The following FOXN3 variants were observed in gnomAD, a reference collection of about 807,000 sequenced individuals.
FOXN3 encodes forkhead box N3, also known as forkhead box protein N3.
In FOXN3, 7 loss-of-function variants were observed where a neutral mutation model predicts 38.4. That is an observed-to-expected ratio of 0.18 (90% confidence interval 0.10 to 0.34). The LOEUF is 0.34. FOXN3 is among the 10% of genes least tolerant of loss of function. The pLI is 1.00. For missense variants in FOXN3, 456 were observed against 613.4 expected, an observed-to-expected ratio of 0.74 and a Z score of 2.71; for synonymous variants, 230 against 242.2, an observed-to-expected ratio of 0.95 and a Z score of 0.47.
chr14:89,392,682 C>T (rs1339929176), intron 2 of FOXN3, among the ~76,000 whole-genome samples: 2 of 150,158 alleles, frequency 1.3e-5, no homozygotes, highest in African/African-American at 4.9e-5. Context: ...ATTCTGTCAC[C>T]CGGGCTGGAG....
rs1341484906 is a variant in FOXN3 at position 89,157,533 on chromosome 14, T to C, written c.*4881A>G. 6.6e-6 allele frequency: 1 copy of C among 152,662 alleles called. No individual in the cohort carries two copies. The highest frequency in any genetic ancestry group is 2.4e-5 in the African/African-American group (1 of 41,468). 9.5% of individuals were successfully genotyped at this position (152,662 alleles called of 1,614,324 possible). A position where few individuals can be genotyped will look rare whatever the true frequency, so the allele number is the denominator to read the frequency against. On this transcript the variant is annotated 3_prime_UTR_variant, in exon 6 of 6. Transcript: ENST00000557258. The stretch of plus-strand genomic sequence containing the variant: ...TCTATACAGAACACTGAATGCCATG[T>C]GTAAATCCTCATGAAACTCCAGAAA...
chr14:89,188,379 T>C (rs542499911), intron 4 of FOXN3, among the ~76,000 whole-genome samples: 1 of 152,320 alleles, frequency 6.6e-6, no homozygotes, highest in African/African-American at 2.4e-5. Context: ...TGGACGTTTA[T>C]GGAAGCTGCT....
chr14:89,324,669 TCTTAACCACAGGGA>T (rs1887996169), intron 3 of FOXN3, among the ~76,000 whole-genome samples: 1 of 151,962 alleles, frequency 6.6e-6, no homozygotes, highest in South Asian at 2.1e-4. Flanking sequence ...TTCTTTGATC[TCTTAACCACAGGGA>T]CCCACACACA....
chr14:89,505,961 A>G (rs1893916434), intron 1 of FOXN3, among the ~76,000 whole-genome samples: 1 of 145,838 alleles, frequency 6.9e-6, no homozygotes, highest in Non-Finnish European at 1.5e-5. Flanking sequence ...CTGCCTGGCA[A>G]CCGCCCCGTC....
At chr14:89,281,564 G>T (rs1037349469) in intron 3 of FOXN3, among the ~76,000 whole-genome samples, 1 of 152,026 alleles carries the variant, frequency 6.6e-6, no homozygotes, top group Non-Finnish European at 1.5e-5. Context: ...TTAAAATGTT[G>T]CACTCCATAC....
chr14:89,512,566 C>T (rs1295865821), intron 1 of FOXN3, among the ~76,000 whole-genome samples: 1 of 152,218 alleles, frequency 6.6e-6, no homozygotes, highest in African/African-American at 2.4e-5. Flanking sequence ...TCAGCATCTG[C>T]TCCCTAACTC....
chr14:89,444,896 G>A (rs1229042982), intron 1 of FOXN3, among the ~76,000 whole-genome samples: 1 of 152,126 alleles, frequency 6.6e-6, no homozygotes. Flanking sequence ...CGAGGCAGCA[G>A]TATCCGTTGA....
chr14:89,257,262 GT>G (rs749845756), intron 4 of FOXN3, among the ~76,000 whole-genome samples: 1 of 152,196 alleles, frequency 6.6e-6, no homozygotes, highest in Non-Finnish European at 1.5e-5. Flanking sequence ...CATTTTCAAG[GT>G]GTTACAATAA....
chr14:89,555,880 T>TG (rs57759148), intron 1 of FOXN3, among the ~76,000 whole-genome samples: 1 of 99,618 alleles, frequency 1.0e-5, no homozygotes, highest in African/African-American at 2.9e-5. Flanking sequence ...TGTGTGTATG[T>TG]GGGGGTGTAT....
intron 3 of FOXN3, among the ~76,000 whole-genome samples, chr14:89,315,897 G>A (rs1226262637): frequency 6.6e-6 from 1 of 152,086 alleles, no homozygotes; most frequent in Non-Finnish European, 1.5e-5. Flanking sequence ...ATGGTGAGTG[G>A]AGCTCTCTAA....
chr14:89,529,665 C>G (rs2139833834), intron 1 of FOXN3, among the ~76,000 whole-genome samples: 1 of 152,236 alleles, frequency 6.6e-6, no homozygotes, highest in Admixed American at 6.5e-5. Context: ...ATTTTTGGTT[C>G]TGATTAACTG....
chr14:89,208,346 A>G (rs1205954380), intron 4 of FOXN3, among the ~76,000 whole-genome samples: 2 of 152,192 alleles, frequency 1.3e-5, no homozygotes, highest in Non-Finnish European at 2.9e-5. Context: ...TTTACTAATT[A>G]TCATTTTTCA....
intron 1 of FOXN3, among the ~76,000 whole-genome samples, chr14:89,563,944 G>A (rs1025352808): frequency 2.0e-5 from 3 of 152,126 alleles, no homozygotes; most frequent in African/African-American, 4.8e-5. Flanking sequence ...CCGCCTCCCA[G>A]GTTCAAGCAA....
Position 89,393,495 on chromosome 14 carries a change from T to C in FOXN3, c.543+18439A>G, listed in dbSNP as rs568332782. 3.7e-3 allele frequency among the ~76,000 whole-genome samples: 564 copies of C among 152,312 alleles called. 3 individuals are homozygous for C. Among genetic ancestry groups the C allele is most frequent in the African/African-American group, 0.013 (531 of 41,560 alleles). On this transcript the variant is annotated intron_variant, in intron 2 of 5. Coordinates refer to ENST00000557258, the MANE Select transcript of FOXN3 (RefSeq NM_005197.4). The stretch of plus-strand genomic sequence containing the variant: ...AATAAGCTGCCATTTCTGAACAGAT[T>C]ATCTGAAAACATTCATGGCTGTCTC...
chr14:89,262,115 A>AAAGGAG (rs1423219345), intron 4 of FOXN3, among the ~76,000 whole-genome samples: 1 of 152,192 alleles, frequency 6.6e-6, no homozygotes, highest in African/African-American at 2.4e-5. Flanking sequence ...AAGAAAAAAA[A>AAAGGAG]AAGGAGAAGA....
At chr14:89,504,508 C>A (rs1002352087) in intron 1 of FOXN3, among the ~76,000 whole-genome samples, 2 of 152,100 alleles carry the variant, frequency 1.3e-5, no homozygotes, top group African/African-American at 4.8e-5. Flanking sequence ...CAATCTGCCC[C>A]AGTTTGTGTA....
At chr14:89,587,512 G>T (rs151087121) in intron 1 of FOXN3, among the ~76,000 whole-genome samples, 1 of 151,870 alleles carries the variant, frequency 6.6e-6, no homozygotes, top group Non-Finnish European at 1.5e-5. Flanking sequence ...TAAAGGCAAC[G>T]AAATTGAAAA....
intron 4 of FOXN3, among the ~76,000 whole-genome samples, chr14:89,267,802 T>C (rs949916618): frequency 6.6e-6 from 1 of 152,172 alleles, no homozygotes; most frequent in Admixed American, 6.5e-5. Flanking sequence ...GATCAGAGTA[T>C]GCGTGCGTGT....
chr14:89,429,677 G>A (rs1300287028), intron 1 of FOXN3, among the ~76,000 whole-genome samples: 2 of 152,144 alleles, frequency 1.3e-5, no homozygotes, highest in Admixed American at 6.6e-5. Context: ...AGACCTGAAG[G>A]GGAACAGGCG....
Sources: allele counts gnomAD v4.1 joint callset (sites outside exome capture counted in the v4.1 genomes callset), GRCh38; gene constraint gnomAD v4.1.1; transcripts MANE v1.5; gene names NCBI Gene and HGNC (gene_info 2026-07-23, HGNC 2026-07-21).